TMED10: variants seen among roughly 807,000 people sequenced by gnomAD.
TMED10 encodes transmembrane p24 trafficking protein 10, also known as transmembrane emp24 domain-containing protein 10.
A neutral mutation model predicts 23.1 loss-of-function variants in TMED10; 7 were observed. The ratio of observed to expected loss-of-function variants is 0.30; its 90% confidence interval spans 0.17 to 0.57. TMED10 has a LOEUF of 0.57. TMED10 is among the 20% of genes least tolerant of loss of function. The pLI, the probability that TMED10 is intolerant of heterozygous loss-of-function variation, is 0.91. For synonymous variants in TMED10, 113 were observed against 106.9 expected, an observed-to-expected ratio of 1.06 and a Z score of -0.35; for missense variants, 162 against 274.8, an observed-to-expected ratio of 0.59 and a Z score of 2.90.
intron 1 of TMED10, among the ~76,000 whole-genome samples, chr14:75,163,116 C>A (rs989666542): frequency 6.6e-6 from 1 of 151,778 alleles, no homozygotes. Flanking sequence ...GTGGTGCATA[C>A]CTGTGGTCCC....
intron 1 of TMED10, among the ~76,000 whole-genome samples, chr14:75,168,837 A>T: frequency 6.6e-6 from 1 of 152,206 alleles, no homozygotes; most frequent in East Asian, 1.9e-4. Flanking sequence ...CACAAAGTAA[A>T]CACTACACTA....
Position 75,131,615 on chromosome 14 carries a change from C to T in TMED10, c.*3270G>A, listed in dbSNP as rs1421709120. 3.9e-5 allele frequency: 6 copies of T among 152,592 alleles called. No homozygotes were observed. Among genetic ancestry groups the T allele is most frequent in the Admixed American group, 3.9e-4 (6 of 15,280 alleles). 9.5% of individuals were successfully genotyped at this position (152,592 alleles called of 1,614,324 possible). A position where few individuals can be genotyped will look rare whatever the true frequency, so the allele number is the denominator to read the frequency against. On this transcript the variant is annotated 3_prime_UTR_variant, in exon 5 of 5. Coordinates refer to ENST00000303575, the MANE Select transcript of TMED10 (RefSeq NM_006827.6). ...ACAGGGGTCCATGACAATGGTATAA[C>T]AAGGCTTACTTAAACTGCATCATTC... is the stretch of plus-strand genomic sequence containing the variant.
chr14:75,174,793 A>G (rs1896280545), intron 1 of TMED10, among the ~76,000 whole-genome samples: 1 of 152,184 alleles, frequency 6.6e-6, no homozygotes, highest in African/African-American at 2.4e-5. Flanking sequence ...CTGTAATCCC[A>G]GCACTTTGGG....
chr14:75,154,401 CAAAAAAA>C (rs1166201835), intron 1 of TMED10, among the ~76,000 whole-genome samples: 21 of 15,254 alleles, frequency 1.4e-3, no homozygotes, highest in South Asian at 8.1e-3. Context: ...GACTCTGTCT[CAAAAAAA>C]AAAAAAAAAA....
intron 1 of TMED10, 133 bp downstream of exon 1, chr14:75,176,222 C>T: frequency 2.6e-6 from 3 of 1,143,470 alleles, no homozygotes; most frequent in South Asian, 3.0e-5. Context: ...CGGGCTCCAC[C>T]GCACGTCCTT....
chr14:75,176,392 T>G lies in TMED10; in HGVS notation c.188A>C (p.Gln63Pro). ...LVTGAYEISD[Q>P]SGGAGGLRSH... ...GCGCAGGCCGCCAGCGCCCCCAGAC[T>G]GGTCGGAGATCTCGTACGCGCCAGT... Residue 63 changes from glutamine to proline, a missense_variant, in exon 1 of 5, where the codon CAG (glutamine) becomes CCG (proline). Physicochemically the swap from Gln to Pro is moderately conservative, Grantham distance 76 (BLOSUM62 -1). This residue lies in a region of TMED10 where 126 missense variants were observed against 239.5 expected (regional missense o/e 0.53). Transcript: ENST00000303575. 1 of 1,614,172 alleles carries G rather than the reference T, an allele frequency of 6.2e-7. No homozygotes were observed. The highest frequency in any genetic ancestry group is 8.5e-7 in the Non-Finnish European group (1 of 1,180,026).
chr14:75,176,594 G>A lies in TMED10; in HGVS notation c.-15C>T, dbSNP rs866580476. 9 of 1,613,618 alleles carry A rather than the reference G, an allele frequency of 5.6e-6. No individual in the cohort carries two copies. The highest frequency in any genetic ancestry group is 3.3e-5 in the South Asian group (3 of 91,046). On this transcript the variant is annotated 5_prime_UTR_variant, in exon 1 of 5. In the 5' UTR this introduces an upstream ATG that the reference lacks. Transcript: ENST00000303575. ...AAACCAGACATGGTGCTGGAGACTC[G>A]TTCACCACCGAAGGCCTCAACCGCG...
rs895137644 is a variant in TMED10, at chr14:75,134,231, T to C, written c.*654A>G. On this transcript the variant is annotated 3_prime_UTR_variant, in exon 5 of 5. Coordinates refer to ENST00000303575, the MANE Select transcript of TMED10 (RefSeq NM_006827.6). ...AATATTGCATAGAATTAAATACACA[T>C]ACACGAAAAAAGTTCAAGCAGTTGA... The C allele has an allele frequency of 1.9e-5, 3 of 153,960 alleles. No individual in the cohort carries two copies. Among genetic ancestry groups the C allele is most frequent in the African/African-American group, 7.2e-5 (3 of 41,436 alleles). The allele number at this position is 153,960 out of a possible 1,614,324, so 9.5% of individuals were successfully genotyped here.
At chr14:75,171,257 A>G (rs535992093) in intron 1 of TMED10, among the ~76,000 whole-genome samples, 4 of 152,108 alleles carry the variant, frequency 2.6e-5, no homozygotes, top group African/African-American at 9.6e-5. Flanking sequence ...GGAGAGAGTT[A>G]AAGATACTAT....
chr14:75,164,559 ATATATATATATATATATATT>A (rs1384026745), intron 1 of TMED10, among the ~76,000 whole-genome samples: 908 of 32,174 alleles, frequency 0.028, 60 homozygotes, highest in South Asian at 0.1. Flanking sequence ...ATATATATAT[ATATATATATATATATATATT>A]TTTTTTTTTT....
At position 75,132,993 on chromosome 14, in the gene TMED10, A is replaced by G. The variant is rs1263746002; in HGVS notation, c.*1892T>C. On this transcript the variant is annotated 3_prime_UTR_variant, in exon 5 of 5. Transcript: ENST00000303575. ...TATATCCACACTTTCTCTTATTTACATTAGTTTTGGCCCTTAGGCAACTCA... is the reference window on the plus strand; with the variant it reads ...TATATCCACACTTTCTCTTATTTACGTTAGTTTTGGCCCTTAGGCAACTCA... 2 of 152,206 alleles carry G rather than the reference A, an allele frequency of 1.3e-5. No individual in the cohort carries two copies. The highest frequency in any genetic ancestry group is 2.9e-5 in the Non-Finnish European group (2 of 68,042). The allele number at this position is 152,206 out of a possible 1,614,324, so 9.4% of individuals were successfully genotyped here. A position where few individuals can be genotyped will look rare whatever the true frequency, so the allele number is the denominator to read the frequency against.
At chr14:75,142,595 T>C (rs1895836600) in intron 3 of TMED10, among the ~76,000 whole-genome samples, 1 of 152,202 alleles carries the variant, frequency 6.6e-6, no homozygotes, top group Non-Finnish European at 1.5e-5. Flanking sequence ...CACTCAATCA[T>C]ATATTGTCAT....
chr14:75,165,388 C>T (rs1463761605), intron 1 of TMED10, among the ~76,000 whole-genome samples: 8 of 152,032 alleles, frequency 5.3e-5, no homozygotes, highest in Non-Finnish European at 8.8e-5. Flanking sequence ...CCACCATGCA[C>T]GGCTAATTTT....
intron 3 of TMED10, 177 bp downstream of exon 3, chr14:75,147,487 C>T (rs1895901338): frequency 1.4e-6 from 1 of 718,374 alleles, no homozygotes; most frequent in Non-Finnish European, 2.4e-6. Flanking sequence ...AGCCACCGCG[C>T]CCGGCTAAGG....
intron 1 of TMED10, among the ~76,000 whole-genome samples, chr14:75,170,529 G>A (rs1023868443): frequency 2.6e-5 from 4 of 152,036 alleles, no homozygotes; most frequent in Non-Finnish European, 4.4e-5. Context: ...AAAAATACAG[G>A]AGCCAATATG....
chr14:75,139,571 G>C (rs1267194419), intron 3 of TMED10, among the ~76,000 whole-genome samples: 1 of 151,318 alleles, frequency 6.6e-6, no homozygotes, highest in Non-Finnish European at 1.5e-5. Context: ...GGGAGGTCAA[G>C]GCTGCAGTGA....
chr14:75,145,478 GTGT>G (rs1414922573), intron 3 of TMED10, among the ~76,000 whole-genome samples: 1 of 152,168 alleles, frequency 6.6e-6, no homozygotes, highest in Non-Finnish European at 1.5e-5. Context: ...GGGCATTGAT[GTGT>G]TGTTATTTAA....
At chr14:75,171,969 A>G (rs1313543970) in intron 1 of TMED10, among the ~76,000 whole-genome samples, 1 of 151,524 alleles carries the variant, frequency 6.6e-6, no homozygotes, top group Non-Finnish European at 1.5e-5. Context: ...GGAGGGGTAC[A>G]TGTGCAGAAC....
At chr14:75,154,401 CAA>C (rs1166201835) in intron 1 of TMED10, among the ~76,000 whole-genome samples, 63 of 15,216 alleles carry the variant, frequency 4.1e-3, no homozygotes, top group South Asian at 0.024. Context: ...GACTCTGTCT[CAA>C]AAAAAAAAAA....
Sources: allele counts gnomAD v4.1 joint callset (sites outside exome capture counted in the v4.1 genomes callset), GRCh38; gene constraint gnomAD v4.1.1; regional missense constraint gnomAD v4.1.1; transcripts MANE v1.5; gene names NCBI Gene and HGNC (gene_info 2026-07-23, HGNC 2026-07-21).